Variants in FOXN3 observed in about 807,000 individuals in gnomAD.
FOXN3 encodes forkhead box N3.
A neutral mutation model predicts 38.4 loss-of-function variants in FOXN3; 7 were observed. The ratio of observed to expected loss-of-function variants is 0.18; its 90% CI spans 0.10 to 0.34. The LOEUF (loss-of-function observed/expected upper bound fraction) is 0.34. FOXN3 is among the 10% of genes least tolerant of loss of function. The pLI is 1.00. For synonymous variants in FOXN3, 230 were observed against 242.2 expected (o/e 0.95, Z 0.47); for missense variants, 456 against 613.4 (o/e 0.74, Z 2.71).
At chr14:89,464,199 G>A (rs544353399) in intron 1 of FOXN3, among the ~76,000 whole-genome samples, 14 of 152,286 alleles carry the variant, frequency 9.2e-5, no homozygotes, top group South Asian at 4.2e-4. Context: ...ATAAGGAAGC[G>A]TCACGTATAG....
chr14:89,312,366 G>A (rs139367554), intron 3 of FOXN3, among the ~76,000 whole-genome samples: 39 of 150,750 alleles, frequency 2.6e-4, no homozygotes, highest in Admixed American at 1.3e-3. Context: ...CAATCCACAC[G>A]GGCAAGGGTG....
upstream of FOXN3, among the ~76,000 whole-genome samples, chr14:89,421,826 G>A (rs1891918530): frequency 6.6e-6 from 1 of 152,004 alleles, no homozygotes; most frequent in Admixed American, 6.6e-5. Flanking sequence ...ACCGTGCTGG[G>A]CCCCGCTATT....
intron 4 of FOXN3, among the ~76,000 whole-genome samples, chr14:89,186,500 G>A (rs1318886314): frequency 6.6e-6 from 1 of 152,128 alleles, no homozygotes; most frequent in Non-Finnish European, 1.5e-5. Context: ...TACTGAAGGA[G>A]ATACTAGAAG....
intron 4 of FOXN3, among the ~76,000 whole-genome samples, chr14:89,232,156 G>A (rs1884832343): frequency 6.6e-6 from 1 of 152,186 alleles, no homozygotes; most frequent in Non-Finnish European, 1.5e-5. Flanking sequence ...ATCTAGGCCT[G>A]CCCCAAGATT....
intron 1 of FOXN3, among the ~76,000 whole-genome samples, chr14:89,553,090 T>G (rs1226793724): frequency 2.0e-5 from 3 of 151,784 alleles, no homozygotes; most frequent in African/African-American, 7.3e-5. Flanking sequence ...AATACAAAAG[T>G]TAGCTGGGCA....
At chr14:89,387,656 G>C (rs1433867667) in intron 2 of FOXN3, among the ~76,000 whole-genome samples, 3 of 152,072 alleles carry the variant, frequency 2.0e-5, no homozygotes, top group African/African-American at 7.2e-5. Flanking sequence ...AACTGCCAAG[G>C]GCCAGAGAGA....
At chr14:89,386,959 C>T (rs1314891639) in intron 2 of FOXN3, among the ~76,000 whole-genome samples, 1 of 152,074 alleles carries the variant, frequency 6.6e-6, no homozygotes, top group East Asian at 1.9e-4. Context: ...TGCGCTTCAA[C>T]ATATAAATTG....
intron 1 of FOXN3, among the ~76,000 whole-genome samples, chr14:89,426,882 A>G (rs942295099): frequency 1.3e-5 from 2 of 152,150 alleles, no homozygotes; most frequent in African/African-American, 4.8e-5. Context: ...TCAGGGGCCT[A>G]GGACATGAAG....
At chr14:89,180,966 A>ACACACAGT (rs1887656209) in intron 4 of FOXN3, among the ~76,000 whole-genome samples, 160 bp from the exon 5 acceptor site, 2 of 150,532 alleles carry the variant, frequency 1.3e-5, no homozygotes, top group African/African-American at 4.9e-5. Flanking sequence ...ACACACACAC[A>ACACACAGT]CACAGTCACA....
intron 1 of FOXN3, among the ~76,000 whole-genome samples, chr14:89,441,760 TG>T (rs1048845011): frequency 6.6e-6 from 1 of 151,126 alleles, no homozygotes; most frequent in Non-Finnish European, 1.5e-5. Flanking sequence ...GGGAGGGGGG[TG>T]GAAGTAGGCA....
At chr14:89,451,068 C>T (rs1892604972) in intron 1 of FOXN3, among the ~76,000 whole-genome samples, 1 of 152,118 alleles carries the variant, frequency 6.6e-6, no homozygotes, top group Non-Finnish European at 1.5e-5. Context: ...ACCGTGAAGC[C>T]GAAGATGTCT....
intron 2 of FOXN3, among the ~76,000 whole-genome samples, chr14:89,404,145 C>T (rs763093804): frequency 2.6e-5 from 4 of 151,990 alleles, no homozygotes; most frequent in Admixed American, 2.6e-4. Context: ...AGCAAGACAA[C>T]GGAAATGTGC....
chr14:89,462,110 G>C (rs1375969059), intron 1 of FOXN3, among the ~76,000 whole-genome samples: 1 of 152,266 alleles, frequency 6.6e-6, no homozygotes, highest in African/African-American at 2.4e-5. Flanking sequence ...TGATTAGAAA[G>C]TTGAGTTTAA....
chr14:89,515,992 C>T (rs966467519), intron 1 of FOXN3, among the ~76,000 whole-genome samples: 1 of 152,152 alleles, frequency 6.6e-6, no homozygotes, highest in African/African-American at 2.4e-5. Flanking sequence ...AAAAGCTACA[C>T]ACCACTTGAA....
At chr14:89,273,029 T>C (rs1410135068) in intron 4 of FOXN3, among the ~76,000 whole-genome samples, 1 of 152,232 alleles carries the variant, frequency 6.6e-6, no homozygotes, top group African/African-American at 2.4e-5. Flanking sequence ...ATTTCAGTGA[T>C]TTCCCCAGTT....
chr14:89,431,810 G>A (rs935139556), intron 1 of FOXN3, among the ~76,000 whole-genome samples: 7 of 151,994 alleles, frequency 4.6e-5, no homozygotes, highest in Non-Finnish European at 1.0e-4. Context: ...CACCTCCTGG[G>A]TTCAAGCAAT....
At chr14:89,235,298 A>G (rs998221506) in intron 4 of FOXN3, among the ~76,000 whole-genome samples, 5 of 152,146 alleles carry the variant, frequency 3.3e-5, no homozygotes, top group Admixed American at 6.5e-5. Context: ...CTCCTTCCCC[A>G]TGCCATGTTG....
intron 1 of FOXN3, among the ~76,000 whole-genome samples, chr14:89,513,150 GAAAAAAAAAAAAAA>G (rs36003791): frequency 9.8e-6 from 1 of 102,076 alleles, no homozygotes; most frequent in African/African-American, 3.6e-5. Context: ...TCCATCTCAG[GAAAAAAAAAAAAAA>G]AAAAAGAAAA....
At chr14:89,272,366 C>T (rs555995434) in intron 4 of FOXN3, among the ~76,000 whole-genome samples, 2 of 151,874 alleles carry the variant, frequency 1.3e-5, no homozygotes, top group Admixed American at 1.3e-4. Context: ...TGCCTCTGAA[C>T]TGTACACTGT....
Sources: gnomAD v4.1 joint callset for allele counts (sites outside exome capture counted in the v4.1 genomes callset) on GRCh38, gnomAD v4.1.1 for gene constraint, MANE v1.5 for transcripts, NCBI Gene and HGNC (gene_info 2026-07-23, HGNC 2026-07-21) for gene names.